PTPRG: variants seen among roughly 807,000 people sequenced by gnomAD.
The protein encoded by PTPRG is receptor-type tyrosine-protein phosphatase gamma.
In PTPRG, 102 loss-of-function variants were observed where a neutral mutation model predicts 165.3. The observed-to-expected ratio is 0.62, with a 90% CI of 0.53 to 0.73. PTPRG has a LOEUF of 0.73. PTPRG is among the 30% of genes least tolerant of loss of function. The pLI is 0.00. For missense variants in PTPRG, 1,866 were observed against 1,861.4 expected (o/e 1.00, Z -0.05); for synonymous variants, 675 against 669.5 (o/e 1.01, Z -0.13).
chr3:61,628,342 A>G (rs1701671041), intron 1 of PTPRG, among the ~76,000 whole-genome samples: 1 of 151,354 alleles, frequency 6.6e-6, no homozygotes, highest in South Asian at 2.1e-4. Context: ...TTTGAGATGG[A>G]GTCTCACTCT....
chr3:62,134,087 CAT>C (rs1252656495), intron 6 of PTPRG, among the ~76,000 whole-genome samples: 21 of 152,146 alleles, frequency 1.4e-4, no homozygotes, highest in African/African-American at 5.1e-4. Context: ...GACTCCACCT[CAT>C]GTCATAAACT....
intron 2 of PTPRG, among the ~76,000 whole-genome samples, chr3:61,891,896 G>C (rs2038224008): frequency 6.7e-6 from 1 of 150,090 alleles, no homozygotes; most frequent in African/African-American, 2.5e-5. Context: ...ATTTCACTAA[G>C]TTTTCTTTTC....
chr3:62,197,470 AT>A (rs1229469261), intron 10 of PTPRG, among the ~76,000 whole-genome samples: 2 of 152,238 alleles, frequency 1.3e-5, no homozygotes, highest in African/African-American at 4.8e-5. Flanking sequence ...GCATAGCTGC[AT>A]TTTTTTCCAT....
intron 2 of PTPRG, among the ~76,000 whole-genome samples, chr3:61,933,346 A>G (rs1428915564): frequency 6.6e-6 from 1 of 152,150 alleles, no homozygotes; most frequent in Non-Finnish European, 1.5e-5. Flanking sequence ...GCTCTCAACT[A>G]TTAATTGTAC....
intron 1 of PTPRG, among the ~76,000 whole-genome samples, chr3:61,648,360 G>C (rs1163657557): frequency 1.3e-5 from 2 of 152,168 alleles, no homozygotes; most frequent in Admixed American, 1.3e-4. Flanking sequence ...ATTCTTTCCT[G>C]CCTTGAATGC....
intron 2 of PTPRG, among the ~76,000 whole-genome samples, chr3:61,871,314 A>C (rs2037576227): frequency 6.6e-6 from 1 of 151,900 alleles, no homozygotes; most frequent in South Asian, 2.1e-4. Context: ...TGCAGCCTCA[A>C]CCTCCTGGGC....
intron 28 of PTPRG, among the ~76,000 whole-genome samples, chr3:62,285,295 C>A (rs1233634582): frequency 6.6e-6 from 1 of 152,072 alleles, no homozygotes; most frequent in Non-Finnish European, 1.5e-5. Context: ...GAAAGCCTTG[C>A]TTTTTGTCTC....
chr3:62,123,022 C>CA (rs1703136616), intron 5 of PTPRG, among the ~76,000 whole-genome samples: 1 of 152,178 alleles, frequency 6.6e-6, no homozygotes, highest in South Asian at 2.1e-4. Flanking sequence ...TCTTGGCATA[C>CA]GGTTATCTAC....
At chr3:62,236,986 T>C (rs1701048191) in intron 14 of PTPRG, among the ~76,000 whole-genome samples, 1 of 152,162 alleles carries the variant, frequency 6.6e-6, no homozygotes, top group African/African-American at 2.4e-5. Context: ...TGTTTGTTTG[T>C]TTGTTTGTTT....
intron 5 of PTPRG, among the ~76,000 whole-genome samples, chr3:62,091,792 G>A (rs911528768): frequency 2.0e-5 from 3 of 151,914 alleles, no homozygotes; most frequent in Non-Finnish European, 4.4e-5. Flanking sequence ...GTTTGCCGTG[G>A]AGGGGAGGTG....
chr3:61,867,814 A>C (rs2037452686), intron 2 of PTPRG, among the ~76,000 whole-genome samples: 1 of 152,202 alleles, frequency 6.6e-6, no homozygotes, highest in Non-Finnish European at 1.5e-5. Context: ...GAGTTTGCAG[A>C]GACAACCTTA....
At chr3:62,275,698 A>G (rs928398503) in intron 23 of PTPRG, among the ~76,000 whole-genome samples, 175 bp from the exon 24 acceptor site, 3 of 152,198 alleles carry the variant, frequency 2.0e-5, no homozygotes, top group African/African-American at 4.8e-5. Context: ...AGCTACAATC[A>G]TGCCACTGCA....
At chr3:62,149,471 G>C (rs1704246347) in intron 6 of PTPRG, among the ~76,000 whole-genome samples, 1 of 152,110 alleles carries the variant, frequency 6.6e-6, no homozygotes, top group African/African-American at 2.4e-5. Flanking sequence ...GTTTCGCCAA[G>C]TTGGCCAGGT....
chr3:61,841,106 C>A lies in PTPRG; in HGVS notation c.190+92124C>A, dbSNP rs112155950. 4.1e-3 allele frequency among the ~76,000 whole-genome samples: 617 copies of A among 152,132 alleles called. 5 individuals carry two copies. Among genetic ancestry groups the A allele is most frequent in the African/African-American group, 0.014 (593 of 41,500 alleles). ...CGATAGGTAGCTATCTTAATAATGC[C>A]CTTTTCCATCCACTGATTATCTTAC... On this transcript the variant is annotated intron_variant, in intron 2 of 29. Transcript: ENST00000474889.
intron 2 of PTPRG, among the ~76,000 whole-genome samples, chr3:61,857,969 A>C (rs1427422837): frequency 6.6e-6 from 1 of 152,168 alleles, no homozygotes; most frequent in Non-Finnish European, 1.5e-5. Context: ...TCTTAACACC[A>C]GGTCTTTAAT....
intron 2 of PTPRG, among the ~76,000 whole-genome samples, chr3:61,828,563 A>T (rs1181336691): frequency 1.3e-5 from 2 of 152,222 alleles, no homozygotes; most frequent in African/African-American, 4.8e-5. Context: ...ATGGACTTGT[A>T]ACCAACATGT....
intron 1 of PTPRG, among the ~76,000 whole-genome samples, chr3:61,638,732 C>A (rs1415310501): frequency 6.6e-6 from 1 of 151,532 alleles, no homozygotes; most frequent in Non-Finnish European, 1.5e-5. Flanking sequence ...GCCACCGTGC[C>A]CAGCCTTGCC....
At chr3:62,065,660 A>G (rs1429945731) in intron 4 of PTPRG, among the ~76,000 whole-genome samples, 1 of 152,228 alleles carries the variant, frequency 6.6e-6, no homozygotes, top group Non-Finnish European at 1.5e-5. Context: ...TCATTCATTC[A>G]TTCCATAGTC....
At chr3:61,960,531 T>A (rs1174108690) in intron 2 of PTPRG, among the ~76,000 whole-genome samples, 1 of 152,188 alleles carries the variant, frequency 6.6e-6, no homozygotes, top group Non-Finnish European at 1.5e-5. Context: ...AGACTGAGCC[T>A]AAGTAAAACT....
Sources: allele counts gnomAD v4.1 joint callset (sites outside exome capture counted in the v4.1 genomes callset), GRCh38; gene constraint gnomAD v4.1.1; transcripts MANE v1.5; gene names NCBI Gene and HGNC (gene_info 2026-07-23, HGNC 2026-07-21).